The following NT5C3A variants were observed in gnomAD, a reference collection of about 807,000 sequenced individuals.
NT5C3A encodes cytosolic 5'-nucleotidase 3A.
Under a neutral mutation model 40.0 loss-of-function variants are expected in NT5C3A, and 23 were observed. That is an observed-to-expected ratio of 0.58 (90% CI 0.41 to 0.81). The LOEUF (loss-of-function observed/expected upper bound fraction) is 0.81, where lower values mean the gene tolerates loss of function less well. Ranked by LOEUF, NT5C3A falls within the 40% of genes least tolerant of loss-of-function variation. The pLI, the probability that NT5C3A is intolerant of heterozygous loss-of-function variation, is 0.00. For synonymous variants in NT5C3A, 130 were observed against 141.4 expected (o/e 0.92, Z 0.57); for missense variants, 328 against 403.0 (o/e 0.81, Z 1.59).
chr7:33,024,176 CCAAA>C, intron 2 of NT5C3A, 68 bp from the exon 3 acceptor site: 1 of 844,288 alleles, frequency 1.2e-6, no homozygotes, highest in Middle Eastern at 2.2e-4. Flanking sequence ...TCTGTGCTAC[CCAAA>C]CACATACTTC....
In NT5C3A at chr7:33,040,960, G is replaced by A. The variant is rs202036933; in HGVS notation, c.139-14045C>T. On this transcript the variant is annotated intron_variant, in intron 1 of 8. Transcript: ENST00000610140. ...TATAGCACAAGGTGCAACTGAGGGC[G>A]GTTCCAAAAGCCTTGACTAAGCCCT... is the stretch of plus-strand genomic sequence containing the variant. 78 of 985,294 alleles carry A rather than the reference G, an allele frequency of 7.9e-5. No individual in the cohort carries two copies. The African/African-American group carries it at 9.8e-4, about 12-fold the overall frequency. 61.0% of individuals were successfully genotyped at this position (985,294 alleles called of 1,614,324 possible). A position where few individuals can be genotyped will look rare whatever the true frequency, so the allele number is the denominator to read the frequency against.
intron 1 of NT5C3A, among the ~76,000 whole-genome samples, chr7:33,037,286 C>A (rs572253614): frequency 4.1e-4 from 63 of 152,136 alleles, no homozygotes; most frequent in Non-Finnish European, 8.1e-4. Context: ...GTTTTTAAAA[C>A]ATCTCTCATC....
chr7:33,039,056 G>T (rs1786765098), intron 1 of NT5C3A, among the ~76,000 whole-genome samples: 1 of 152,138 alleles, frequency 6.6e-6, no homozygotes, highest in Non-Finnish European at 1.5e-5. Flanking sequence ...TACTATAGCA[G>T]AGTTCTTTAC....
At chr7:33,057,251 T>C (rs890285701) in intron 1 of NT5C3A, among the ~76,000 whole-genome samples, 2 of 152,036 alleles carry the variant, frequency 1.3e-5, no homozygotes, top group African/African-American at 2.4e-5. Context: ...CCAGGCACAG[T>C]TGGTACACAC....
chr7:33,043,226 T>C (rs1787005485), intron 1 of NT5C3A, among the ~76,000 whole-genome samples: 1 of 152,208 alleles, frequency 6.6e-6, no homozygotes. Flanking sequence ...TATGGTCTAC[T>C]ACTGATTGAA....
chr7:33,031,862 C>A (rs996595527), intron 1 of NT5C3A, among the ~76,000 whole-genome samples: 2 of 151,740 alleles, frequency 1.3e-5, no homozygotes, highest in Non-Finnish European at 2.9e-5. Context: ...CGGTGGCTGA[C>A]GCCTGGAATC....
In NT5C3A at chr7:33,035,810, G is replaced by C. The variant is rs1025406471; in HGVS notation, c.139-8895C>G. 1.1e-5 allele frequency: 9 copies of C among 787,714 alleles called. No homozygotes were observed. In the Admixed American group the frequency reaches 1.7e-4, roughly 15 times the overall value. 48.8% of individuals were successfully genotyped at this position (787,714 alleles called of 1,614,324 possible). A position where few individuals can be genotyped will look rare whatever the true frequency, so the allele number is the denominator to read the frequency against. On this transcript the variant is annotated intron_variant, in intron 1 of 8. Transcript: ENST00000610140. ...TCAATAAGTATTTGAGGTTTATTTTGTGATGCACTGTGAAGAAAGAGTTGT... is the reference window on the plus strand; with the variant it reads ...TCAATAAGTATTTGAGGTTTATTTTCTGATGCACTGTGAAGAAAGAGTTGT...
intron 1 of NT5C3A, among the ~76,000 whole-genome samples, chr7:33,056,748 TA>T (rs1448264170): frequency 6.6e-6 from 1 of 152,150 alleles, no homozygotes; most frequent in Non-Finnish European, 1.5e-5. Context: ...CCTTCTTTTT[TA>T]AAACACAGAC....
chr7:33,028,810 CT>C (rs1338278314), intron 1 of NT5C3A, among the ~76,000 whole-genome samples: 1 of 152,082 alleles, frequency 6.6e-6, no homozygotes, highest in African/African-American at 2.4e-5. Flanking sequence ...AATCCCAGCA[CT>C]TCAGGAGGTC....
At position 33,015,951 on chromosome 7, in the gene NT5C3A, G is replaced by A. The variant is rs1785300622; in HGVS notation, c.694-81C>T. 1.9e-5 allele frequency: 17 copies of A among 901,480 alleles called. No homozygotes were observed. In the Admixed American group the frequency reaches 3.2e-4, roughly 17 times the overall value. The allele number at this position is 901,480 out of a possible 1,614,324, so 55.8% of individuals were successfully genotyped here. A position where few individuals can be genotyped will look rare whatever the true frequency, so the allele number is the denominator to read the frequency against. ...TCATATTTTGGAGCTCTTAATTGAT[G>A]TCACTATTATTTCATCATATTTGTA... On this transcript the variant is annotated intron_variant, in intron 7 of 8. Coordinates refer to ENST00000610140, the MANE Select transcript of NT5C3A (RefSeq NM_001002010.5).
chr7:33,034,594 C>T (rs1786478758), intron 1 of NT5C3A, among the ~76,000 whole-genome samples: 1 of 152,162 alleles, frequency 6.6e-6, no homozygotes, highest in Non-Finnish European at 1.5e-5. Context: ...ACTGGCAATA[C>T]TGGACTATAT....
chr7:33,027,558 G>A (rs889948625), intron 1 of NT5C3A, among the ~76,000 whole-genome samples: 5 of 152,108 alleles, frequency 3.3e-5, no homozygotes, highest in Admixed American at 6.5e-5. Context: ...AATAAAAACT[G>A]CCTGGAGTTC....
At chr7:33,046,593 A>T (rs1003134379) in intron 1 of NT5C3A, among the ~76,000 whole-genome samples, 9 of 152,130 alleles carry the variant, frequency 5.9e-5, no homozygotes, top group Admixed American at 5.9e-4. Context: ...CTCAAGTAAA[A>T]TTGTTGAACA....
intron 1 of NT5C3A, among the ~76,000 whole-genome samples, chr7:33,051,776 C>G (rs1787376938): frequency 6.6e-6 from 1 of 152,098 alleles, no homozygotes; most frequent in South Asian, 2.1e-4. Flanking sequence ...AAACACATTC[C>G]AGATGGTATC....
chr7:33,043,471 C>T (rs1396665139), intron 1 of NT5C3A, among the ~76,000 whole-genome samples: 1 of 152,140 alleles, frequency 6.6e-6, no homozygotes, highest in Non-Finnish European at 1.5e-5. Context: ...AAGTTAAAAA[C>T]CCAGTCAACA....
At chr7:33,049,601 C>G (rs1787282018) in intron 1 of NT5C3A, among the ~76,000 whole-genome samples, 1 of 152,130 alleles carries the variant, frequency 6.6e-6, no homozygotes. Flanking sequence ...GACAAAATCT[C>G]TTTTATGTAC....
Position 33,015,537 on chromosome 7 carries a change from T to C in NT5C3A, c.894+133A>G, listed in dbSNP as rs549780233. 1.5e-4 allele frequency: 97 copies of C among 642,544 alleles called. 3 individuals are homozygous for C. The South Asian group carries it at 1.9e-3, about 12-fold the overall frequency. 39.8% of individuals were successfully genotyped at this position (642,544 alleles called of 1,614,324 possible). On this transcript the variant is annotated intron_variant, in intron 8 of 8. Transcript: ENST00000610140. ...GTGATTGCATCACTACACTCTAGCC[T>C]CGGTAACAGAGGCTTGTCTCAAAAA...
chr7:33,053,696 G>A (rs2128018001), intron 1 of NT5C3A, among the ~76,000 whole-genome samples: 1 of 151,960 alleles, frequency 6.6e-6, no homozygotes, highest in Non-Finnish European at 1.5e-5. Flanking sequence ...AAGAAAGAAA[G>A]AAAGAAGTAA....
intron 1 of NT5C3A, among the ~76,000 whole-genome samples, chr7:33,028,969 G>C (rs929697394): frequency 2.0e-4 from 30 of 151,838 alleles, no homozygotes; most frequent in African/African-American, 7.3e-4. Context: ...GCAGGAGAAT[G>C]GCGTAAACCC....
Sources: allele counts gnomAD v4.1 joint callset (sites outside exome capture counted in the v4.1 genomes callset), GRCh38; gene constraint gnomAD v4.1.1; transcripts MANE v1.5; gene names NCBI Gene and HGNC (gene_info 2026-07-23, HGNC 2026-07-21).